The following ZNF215 variants were observed in gnomAD, a reference collection of about 807,000 sequenced individuals.
ZNF215 encodes BWSCR2-associated zinc finger protein 2.
A neutral mutation model predicts 27.2 loss-of-function variants in ZNF215; 24 were observed. That is an observed-to-expected ratio of 0.88 (90% CI 0.64 to 1.24). The LOEUF is 1.24. ZNF215 is among the 50% of genes most tolerant of loss of function. ZNF215 has a pLI of 0.00. For missense variants in ZNF215, 675 were observed against 605.7 expected (o/e 1.11, Z -1.20); for synonymous variants, 210 against 204.0 (o/e 1.03, Z -0.25).
chr11:6,986,859 A>T (rs1851062359), downstream of ZNF215, among the ~76,000 whole-genome samples: 1 of 152,060 alleles, frequency 6.6e-6, no homozygotes, highest in Admixed American at 6.6e-5. Context: ...AAACAAAAAC[A>T]AAAACAGATG....
At chr11:6,934,831 G>A (rs1849379832) in intron 3 of ZNF215, among the ~76,000 whole-genome samples, 1 of 152,128 alleles carries the variant, frequency 6.6e-6, no homozygotes, top group Non-Finnish European at 1.5e-5. Context: ...ATCTTTGTGG[G>A]CTGATATTCT....
At chr11:6,992,784 A>G (rs1165709322), downstream of ZNF215, among the ~76,000 whole-genome samples, 1 of 151,718 alleles carries the variant, frequency 6.6e-6, no homozygotes, top group Non-Finnish European at 1.5e-5. Context: ...CCAGGTTAAG[A>G]TTCTGGCTAG....
downstream of ZNF215, among the ~76,000 whole-genome samples, chr11:6,989,808 A>G (rs1223475638): frequency 6.6e-6 from 1 of 152,128 alleles, no homozygotes; most frequent in Non-Finnish European, 1.5e-5. Flanking sequence ...CAAGGTTGTG[A>G]GTTATTTTTC....
intron 5 of ZNF215, among the ~76,000 whole-genome samples, chr11:6,974,836 A>T (rs1850796974): frequency 6.6e-6 from 1 of 152,114 alleles, no homozygotes; most frequent in Non-Finnish European, 1.5e-5. Context: ...TGTCATCTGC[A>T]AACAGGGACA....
intron 6 of ZNF215, among the ~76,000 whole-genome samples, chr11:6,951,201 T>TG (rs1850042704): frequency 6.6e-6 from 1 of 152,090 alleles, no homozygotes; most frequent in African/African-American, 2.4e-5. Context: ...TCTCTTTTTT[T>TG]GTTGTGTCTC....
intron 3 of ZNF215, among the ~76,000 whole-genome samples, chr11:6,935,654 G>A (rs1402890124): frequency 1.3e-5 from 2 of 151,724 alleles, no homozygotes; most frequent in African/African-American, 2.4e-5. Flanking sequence ...AGAAATACTA[G>A]AAAAAAAGAT....
intron 6 of ZNF215, among the ~76,000 whole-genome samples, chr11:6,953,980 T>G (rs573898957): frequency 1.3e-5 from 2 of 152,346 alleles, no homozygotes; most frequent in East Asian, 3.9e-4. Context: ...GCAGGTCTGT[T>G]GGAGTTTGCT....
At position 6,956,470 on chromosome 11, in the gene ZNF215, C is replaced by T. The variant is rs1479619270; in HGVS notation, c.1493C>T (p.Ala498Val). ...KPFKCKECSK[A>V]FNRSSNLVKH... ...TTCAAATGTAAGGAATGTAGTAAAG[C>T]CTTCAACAGGAGTTCAAACCTTGTT... Residue 498 changes from alanine to valine, a missense_variant, in exon 7 of 7, where the codon GCC becomes GTC. Transcript: ENST00000278319. 6.2e-7 allele frequency: 1 copy of T among 1,613,346 alleles called. No homozygotes were observed. The highest frequency in any genetic ancestry group is 1.7e-5 in the Admixed American group (1 of 59,872).
chr11:6,957,667 T>C lies in ZNF215; in HGVS notation c.*1136T>C. 1.2e-6 allele frequency: 1 copy of C among 808,362 alleles called. No individual in the cohort carries two copies. Among genetic ancestry groups the C allele is most frequent in the Non-Finnish European group, 1.5e-6 (1 of 668,778 alleles). 50.1% of individuals were successfully genotyped at this position (808,362 alleles called of 1,614,324 possible). On this transcript the variant is annotated 3_prime_UTR_variant, in exon 7 of 7. Coordinates refer to ENST00000278319, the MANE Select transcript of ZNF215 (RefSeq NM_013250.4). Reference sequence around the variant, plus strand: ...TTGTATCCATTAGTCTATGGTAAAATTGGTTTTGTTATACATCATTTCACT... The same window carrying C: ...TTGTATCCATTAGTCTATGGTAAAACTGGTTTTGTTATACATCATTTCACT...
intron 5 of ZNF215, among the ~76,000 whole-genome samples, chr11:6,964,189 T>G (rs981831059): frequency 1.3e-5 from 2 of 152,050 alleles, no homozygotes; most frequent in African/African-American, 4.8e-5. Flanking sequence ...ATATTCTAGA[T>G]GGAAGTCATT....
At chr11:6,945,628 C>T (rs1007402096) in intron 6 of ZNF215, among the ~76,000 whole-genome samples, 2 of 152,198 alleles carry the variant, frequency 1.3e-5, no homozygotes, top group African/African-American at 2.4e-5. Context: ...ACACTGTTAA[C>T]TATGCCTTTT....
At chr11:6,946,864 C>T (rs1470441658) in intron 6 of ZNF215, among the ~76,000 whole-genome samples, 1 of 152,036 alleles carries the variant, frequency 6.6e-6, no homozygotes, top group African/African-American at 2.4e-5. Context: ...GAAAAAAAGA[C>T]GGATGGATAG....
chr11:6,981,868 C>A (rs1002258369), intron 5 of ZNF215, among the ~76,000 whole-genome samples: 4 of 152,012 alleles, frequency 2.6e-5, no homozygotes, highest in African/African-American at 9.7e-5. Flanking sequence ...AATGGGGAAT[C>A]CTTTCCCTAT....
downstream of ZNF215, among the ~76,000 whole-genome samples, chr11:6,959,243 T>C (rs1850465826): frequency 6.6e-6 from 1 of 152,076 alleles, no homozygotes; most frequent in African/African-American, 2.4e-5. Context: ...TATAAAGGGA[T>C]GAGGGCATGG....
intron 3 of ZNF215, 70 bp from the exon 4 acceptor site, chr11:6,941,501 C>T: frequency 2.2e-6 from 3 of 1,341,184 alleles, no homozygotes; most frequent in South Asian, 2.6e-5. Flanking sequence ...CATATTAAAA[C>T]AACTATAATT....
intron 5 of ZNF215, among the ~76,000 whole-genome samples, chr11:6,979,100 A>C (rs1199237923): frequency 6.6e-6 from 1 of 152,038 alleles, no homozygotes; most frequent in African/African-American, 2.4e-5. Context: ...CATGTAATGG[A>C]ATACAAATTT....
chr11:6,993,099 G>A (rs565621597), downstream of ZNF215, among the ~76,000 whole-genome samples: 2 of 152,142 alleles, frequency 1.3e-5, no homozygotes, highest in Non-Finnish European at 2.9e-5. Flanking sequence ...ATTTTGTCAC[G>A]CTGTCAGCCT....
chr11:6,957,817 T>C lies in ZNF215; in HGVS notation c.*1286T>C. On this transcript the variant is annotated 3_prime_UTR_variant, in exon 7 of 7. Coordinates refer to ENST00000278319, the MANE Select transcript of ZNF215 (RefSeq NM_013250.4). ...TCATTTATACCAGACATTATGAAGT[T>C]ATTAAAGTCTCCTATACTCTGTACA... The C allele has an allele frequency of 6.1e-6, 6 of 985,456 alleles. No individual in the cohort carries two copies. The highest frequency in any genetic ancestry group is 7.2e-6 in the Non-Finnish European group (6 of 829,934). 61.0% of individuals were successfully genotyped at this position (985,456 alleles called of 1,614,324 possible).
intron 3 of ZNF215, among the ~76,000 whole-genome samples, chr11:6,934,230 C>T (rs946970169): frequency 1.3e-5 from 2 of 152,020 alleles, no homozygotes; most frequent in African/African-American, 2.4e-5. Flanking sequence ...GAGAAATTTT[C>T]AAGAAGTTAA....
Sources: allele counts gnomAD v4.1 joint callset (sites outside exome capture counted in the v4.1 genomes callset), GRCh38; gene constraint gnomAD v4.1.1; transcripts MANE v1.5; gene names NCBI Gene and HGNC (gene_info 2026-07-23, HGNC 2026-07-21).